Variants in KLHL13 observed in about 807,000 individuals in gnomAD.
KLHL13 encodes the protein kelch-like protein 13.
In KLHL13, 10 loss-of-function variants were observed where a neutral mutation model predicts 37.1. The ratio of observed to expected loss-of-function variants is 0.27; its 90% CI spans 0.17 to 0.46. KLHL13 has a LOEUF of 0.46. KLHL13 is among the 20% of genes least tolerant of loss of function. The pLI, the probability that KLHL13 is intolerant of heterozygous loss-of-function variation, is 1.00. For missense variants in KLHL13, 360 were observed against 509.3 expected, an observed-to-expected ratio of 0.71 and a Z score of 2.82; for synonymous variants, 163 against 181.2, an observed-to-expected ratio of 0.90 and a Z score of 0.81.
At chrX:117,960,845 T>C (rs1158073198) in intron 1 of KLHL13, among the ~76,000 whole-genome samples, 1 of 111,957 alleles carries the variant, frequency 8.9e-6, no homozygotes, top group East Asian at 2.8e-4. Flanking sequence ...TTTAAATGGC[T>C]CTGATAACAG....
intron 1 of KLHL13, among the ~76,000 whole-genome samples, chrX:118,099,321 A>T (rs1243028819): frequency 8.9e-6 from 1 of 111,830 alleles, no homozygotes; most frequent in Non-Finnish European, 1.9e-5. Flanking sequence ...ATAACTTAAA[A>T]CTTCATTAAA....
chrX:117,972,929 G>A (rs542479811), exon 1 of KLHL13: 16 of 1,113,804 alleles, frequency 1.4e-5, no homozygotes, highest in South Asian at 2.4e-5. Flanking sequence ...AGTGGCTGCC[G>A]CGGAGAACAA....
At chrX:117,945,482 T>C (rs752873643) in exon 2 of KLHL13, 12 of 1,208,234 alleles carry the variant, frequency 9.9e-6, no homozygotes. Context: ...TGCGTGTAGG[T>C]CCTGCCTTGG....
intron 1 of KLHL13, among the ~76,000 whole-genome samples, chrX:118,091,648 G>GGGAC (rs1022147979): frequency 1.8e-5 from 2 of 111,013 alleles, no homozygotes; most frequent in African/African-American, 6.6e-5. Flanking sequence ...AGGGACTTTA[G>GGGAC]GGACTATAAC....
At chrX:117,928,996 G>T (rs1360614714) in intron 2 of KLHL13, among the ~76,000 whole-genome samples, 1 of 111,783 alleles carries the variant, frequency 8.9e-6, no homozygotes, top group African/African-American at 3.2e-5. Context: ...AGGATGAATA[G>T]AAGTGGCATA....
chrX:118,034,799 A>T (rs2054413153), intron 1 of KLHL13, among the ~76,000 whole-genome samples: 1 of 65,315 alleles, frequency 1.5e-5, no homozygotes, highest in Non-Finnish European at 2.6e-5. Flanking sequence ...TAATGAATCC[A>T]GGAGCTGGTT....
chrX:117,923,051 T>C (rs1171774931), intron 2 of KLHL13, among the ~76,000 whole-genome samples: 1 of 112,150 alleles, frequency 8.9e-6, no homozygotes, highest in African/African-American at 3.2e-5. Flanking sequence ...TTCATTCTTT[T>C]AGTGCATGCA....
intron 1 of KLHL13, among the ~76,000 whole-genome samples, chrX:117,999,195 A>G (rs1401666167): frequency 1.8e-5 from 2 of 111,709 alleles, no homozygotes; most frequent in African/African-American, 6.5e-5. Context: ...ATTATTGGGT[A>G]TATACCCAAA....
chrX:117,931,232 G>C (rs959123097), intron 2 of KLHL13, among the ~76,000 whole-genome samples: 2 of 112,280 alleles, frequency 1.8e-5, no homozygotes, highest in Non-Finnish European at 1.9e-5. Context: ...AAAAAGAGCA[G>C]TCCAATAGGC....
At chrX:117,927,439 T>G (rs1247091232) in intron 2 of KLHL13, among the ~76,000 whole-genome samples, 1 of 112,297 alleles carries the variant, frequency 8.9e-6, no homozygotes, top group Non-Finnish European at 1.9e-5. Flanking sequence ...GAATATTCAA[T>G]TCAGTTCCTC....
chrX:117,908,944 C>T (rs772612405), intron 5 of KLHL13, among the ~76,000 whole-genome samples: 21 of 111,809 alleles, frequency 1.9e-4, no homozygotes, highest in Admixed American at 1.6e-3. Flanking sequence ...TATCATATGG[C>T]CTTTTAAAAG....
intron 1 of KLHL13, among the ~76,000 whole-genome samples, chrX:118,087,044 G>T (rs2055062473): frequency 9.0e-6 from 1 of 111,166 alleles, no homozygotes; most frequent in Non-Finnish European, 1.9e-5. Context: ...GGAAAATAAA[G>T]GATTTCTCTT....
At chrX:117,930,216 AGAAG>A (rs769775359) in intron 2 of KLHL13, among the ~76,000 whole-genome samples, 66 of 89,698 alleles carry the variant, frequency 7.4e-4, no homozygotes, top group South Asian at 1.7e-3. Context: ...ATGAAAAGGA[AGAAG>A]GAAGGAAGGA....
chrX:117,945,016 C>T (rs1436388741), intron 2 of KLHL13, among the ~76,000 whole-genome samples: 1 of 111,783 alleles, frequency 8.9e-6, no homozygotes, highest in African/African-American at 3.3e-5. Context: ...GTAAAACAGG[C>T]TGTGAATGAG....
At chrX:118,023,038 C>A (rs2054236582) in intron 1 of KLHL13, among the ~76,000 whole-genome samples, 1 of 111,600 alleles carries the variant, frequency 9.0e-6, no homozygotes. Flanking sequence ...GTATGTAATC[C>A]ATTTTGCGTT....
intron 1 of KLHL13, among the ~76,000 whole-genome samples, chrX:118,069,538 C>A (rs1450991093): frequency 1.9e-5 from 2 of 108,102 alleles, no homozygotes; most frequent in African/African-American, 3.4e-5. Flanking sequence ...GTACCCCTTA[C>A]ATTTATACAA....
At chrX:118,099,381 C>T (rs2055256831) in intron 1 of KLHL13, among the ~76,000 whole-genome samples, 1 of 111,710 alleles carries the variant, frequency 9.0e-6, no homozygotes, top group African/African-American at 3.3e-5. Flanking sequence ...ATAATATAAA[C>T]TGTTTTCATT....
At chrX:118,115,679 C>G (rs1342954504) in intron 1 of KLHL13, among the ~76,000 whole-genome samples, 1 of 112,432 alleles carries the variant, frequency 8.9e-6, no homozygotes, top group Non-Finnish European at 1.9e-5. Context: ...CCAGGCATCA[C>G]AATTCCCACC....
chrX:118,069,145 AC>A (rs1461285008), intron 1 of KLHL13, among the ~76,000 whole-genome samples: 1 of 108,482 alleles, frequency 9.2e-6, no homozygotes, highest in Non-Finnish European at 1.9e-5. Context: ...ACACACACAC[AC>A]ACCCTCACCT....
Sources: gnomAD v4.1 joint callset for allele counts (sites outside exome capture counted in the v4.1 genomes callset) on GRCh38, gnomAD v4.1.1 for gene constraint, MANE v1.5 for transcripts, NCBI Gene and HGNC (gene_info 2026-07-23, HGNC 2026-07-21) for gene names.